The following MIB1 variants were observed in gnomAD, a reference collection of about 807,000 sequenced individuals.
The protein encoded by MIB1 is MIB E3 ubiquitin protein ligase 1.
Under a neutral mutation model 124.5 loss-of-function variants are expected in MIB1, and 278 were observed. That is an observed-to-expected ratio of 2.23 (90% CI 2.02 to 2.47). The LOEUF is 2.47. Among genes scored for constraint, MIB1 ranks in the 30% most tolerant of loss-of-function variants. MIB1 has a pLI of 0.00. For synonymous variants in MIB1, 446 were observed against 429.4 expected, an observed-to-expected ratio of 1.04 and a Z score of -0.48; for missense variants, 957 against 1,254.4, an observed-to-expected ratio of 0.76 and a Z score of 3.58.
rs777042828 is a variant in MIB1, at chr18:21,857,181, G to A, written c.2717G>A (p.Arg906Gln). ...KCVQCRAVVE[R>Q]RVPFIMCCGG... ...GTGCAGTGTCGAGCAGTAGTTGAAC[G>A]AAGAGTGCCTTTCATTATGTGCTGT... The change falls in exon 19 of 21, where the codon CGA (arginine) becomes CAA (glutamine). Residue 906 changes from arginine to glutamine, a missense_variant. Coordinates refer to ENST00000261537, the MANE Select transcript of MIB1 (RefSeq NM_020774.4). The A allele has an allele frequency of 6.2e-6, 10 of 1,614,040 alleles. No individual in the cohort carries two copies. Among genetic ancestry groups the A allele is most frequent in the Admixed American group, 5.0e-5 (3 of 60,000 alleles).
At position 21,869,890 on chromosome 18, in the gene MIB1, A is replaced by C. The variant is rs547731527; in HGVS notation, c.*5224A>C. On this transcript the variant is annotated 3_prime_UTR_variant, in exon 21 of 21. Transcript: ENST00000261537. ...GTATGTCATTCTTAATGCTAGTCTT[A>C]TAGAATAAATCCATAAAATTGTTTT... 4 of 152,252 alleles carry C rather than the reference A, an allele frequency of 2.6e-5. No individual in the cohort carries two copies. In the South Asian group the frequency reaches 8.3e-4, roughly 32 times the overall value. The allele number at this position is 152,252 out of a possible 1,614,324, so 9.4% of individuals were successfully genotyped here.
Position 21,791,280 on chromosome 18 carries a change from G to A in MIB1, c.909-94G>A. Reference sequence around the variant, plus strand: ...AAATCATTCAGGATATAATTGCAAAGGATTGCCTTACTCTTTTGATCTTCA... The same window carrying A: ...AAATCATTCAGGATATAATTGCAAAAGATTGCCTTACTCTTTTGATCTTCA... On this transcript the variant is annotated intron_variant, in intron 6 of 20. Transcript: ENST00000261537. 1.2e-5 allele frequency: 11 copies of A among 936,654 alleles called. No individual in the cohort carries two copies. The South Asian group carries it at 1.8e-4, about 15-fold the overall frequency. 58.0% of individuals were successfully genotyped at this position (936,654 alleles called of 1,614,324 possible).
intron 1 of MIB1, among the ~76,000 whole-genome samples, chr18:21,748,073 A>T (rs1395454994): frequency 6.6e-6 from 1 of 152,178 alleles, no homozygotes; most frequent in Non-Finnish European, 1.5e-5. Context: ...GGAAACTCAG[A>T]TTCAGAGAGA....
chr18:21,804,119 T>A, intron 10 of MIB1, 105 bp downstream of exon 10: 1 of 800,770 alleles, frequency 1.2e-6, no homozygotes, highest in Non-Finnish European at 2.0e-6. Context: ...AGTATCCAAC[T>A]AAGGCTTTTC....
intron 20 of MIB1, among the ~76,000 whole-genome samples, chr18:21,859,778 A>C (rs867788952): frequency 4.5e-4 from 67 of 148,540 alleles, no homozygotes; most frequent in Middle Eastern, 3.5e-3. Flanking sequence ...AGTCGCAGCT[A>C]CTCTGGTGGC....
chr18:21,820,791 G>C, intron 12 of MIB1, among the ~76,000 whole-genome samples: 1 of 152,172 alleles, frequency 6.6e-6, no homozygotes, highest in East Asian at 1.9e-4. Context: ...TACACGTGAA[G>C]AATATGAGGC....
At chr18:21,746,301 T>C (rs1010937516) in intron 1 of MIB1, among the ~76,000 whole-genome samples, 1 of 152,184 alleles carries the variant, frequency 6.6e-6, no homozygotes, top group African/African-American at 2.4e-5. Context: ...TGTCTGGGAG[T>C]TGTATGCGGG....
Position 21,740,802 on chromosome 18 carries a change from G to A in MIB1, c.-782G>A, listed in dbSNP as rs1177189539. Among the ~76,000 whole-genome samples the A allele has an allele frequency of 6.6e-6, 1 of 151,922 alleles. No homozygotes were observed. Among genetic ancestry groups the A allele is most frequent in the Non-Finnish European group, 1.5e-5 (1 of 68,022 alleles). ...CGCATGCGCACTCTCCTTGGACCCT[G>A]GAGAGACGCTTAGGGATCAGTTTTC... On this transcript the variant is annotated 5_prime_UTR_variant, in exon 1 of 21. Coordinates refer to ENST00000261537, the MANE Select transcript of MIB1 (RefSeq NM_020774.4).
intron 5 of MIB1, among the ~76,000 whole-genome samples, chr18:21,778,758 C>T (rs1428167348): frequency 3.3e-5 from 5 of 151,774 alleles, no homozygotes; most frequent in African/African-American, 7.3e-5. Flanking sequence ...TTGCCTTTGT[C>T]GCAAAAAGTG....
chr18:21,831,220 T>C (rs2041978156), intron 12 of MIB1: 2 of 151,592 alleles, frequency 1.3e-5, no homozygotes, highest in Non-Finnish European at 2.9e-5. Context: ...TCTTCTGACT[T>C]CTTAGGAAAT....
At chr18:21,809,702 C>A (rs1468255083) in intron 10 of MIB1, among the ~76,000 whole-genome samples, 1 of 152,068 alleles carries the variant, frequency 6.6e-6, no homozygotes, top group Non-Finnish European at 1.5e-5. Flanking sequence ...TAATTTAACA[C>A]CCTTTCATGA....
At chr18:21,709,836 A>G (rs935314492) in intron 1 of MIB1, among the ~76,000 whole-genome samples, 3 of 152,236 alleles carry the variant, frequency 2.0e-5, no homozygotes, top group Admixed American at 2.0e-4. Context: ...AAAGACCTAG[A>G]TAAGAAGAGA....
At chr18:21,832,015 G>A (rs945866564) in intron 12 of MIB1, among the ~76,000 whole-genome samples, 35 of 152,162 alleles carry the variant, frequency 2.3e-4, no homozygotes, top group African/African-American at 8.2e-4. Context: ...TGCTTTTAAA[G>A]TTTATTGAAT....
chr18:21,706,662 C>T (rs1001456086), intron 1 of MIB1, among the ~76,000 whole-genome samples: 1 of 152,176 alleles, frequency 6.6e-6, no homozygotes, highest in Non-Finnish European at 1.5e-5. Context: ...AGCACCCAGA[C>T]CAGCAGCTGT....
At chr18:21,821,708 C>G (rs1019548815) in intron 12 of MIB1, among the ~76,000 whole-genome samples, 1 of 151,820 alleles carries the variant, frequency 6.6e-6, no homozygotes, top group African/African-American at 2.4e-5. Flanking sequence ...ACGCCATTCT[C>G]CTGCCTCAGC....
chr18:21,819,687 T>C, intron 12 of MIB1, 41 bp downstream of exon 12: 1 of 1,364,368 alleles, frequency 7.3e-7, no homozygotes. Context: ...TTCAAAAATA[T>C]TTTCCTACTG....
intron 1 of MIB1, among the ~76,000 whole-genome samples, chr18:21,762,708 A>G (rs1359452591): frequency 1.3e-5 from 2 of 152,214 alleles, no homozygotes; most frequent in African/African-American, 4.8e-5. Context: ...AAGGAACCTA[A>G]GCAAATCTTT....
chr18:21,749,749 T>G (rs2040953122), intron 1 of MIB1, among the ~76,000 whole-genome samples: 1 of 149,942 alleles, frequency 6.7e-6, no homozygotes, highest in Admixed American at 6.7e-5. Context: ...CAAGTGGTTC[T>G]CCTGCCTCAG....
Position 21,869,504 on chromosome 18 carries a change from C to T in MIB1, c.*4838C>T, listed in dbSNP as rs2042341693. On this transcript the variant is annotated 3_prime_UTR_variant, in exon 21 of 21. Coordinates refer to ENST00000261537, the MANE Select transcript of MIB1 (RefSeq NM_020774.4). ...TTTAGTGCACGTGTATCATTATATA[C>T]ACGTTTTAAAGTCATATTGCTTAGC... is the stretch of plus-strand genomic sequence containing the variant. 1 of 152,400 alleles carries T rather than the reference C, an allele frequency of 6.6e-6. No individual in the cohort carries two copies. Among genetic ancestry groups the T allele is most frequent in the African/African-American group, 2.4e-5 (1 of 41,410 alleles). The allele number at this position is 152,400 out of a possible 1,614,324, so 9.4% of individuals were successfully genotyped here.
Sources: allele counts gnomAD v4.1 joint callset (sites outside exome capture counted in the v4.1 genomes callset), GRCh38; gene constraint gnomAD v4.1.1; transcripts MANE v1.5; gene names NCBI Gene and HGNC (gene_info 2026-07-23, HGNC 2026-07-21).